The following FBXO16 variants were observed in gnomAD, a reference collection of about 807,000 sequenced individuals.
FBXO16 encodes F-box only protein 16.
FBXO16 carries 31 observed loss-of-function variants against 41.0 expected under a neutral mutation model. That is an observed-to-expected ratio of 0.76 (90% CI 0.57 to 1.02). FBXO16 has a LOEUF of 1.02. Ranked by LOEUF, FBXO16 falls within the 50% of genes least tolerant of loss-of-function variation. The pLI is 0.00. For synonymous variants in FBXO16, 133 were observed against 117.8 expected, an observed-to-expected ratio of 1.13 and a Z score of -0.84; for missense variants, 361 against 346.2, an observed-to-expected ratio of 1.04 and a Z score of -0.34.
chr8:28,431,448 A>G (rs1287044301), intron 7 of FBXO16, among the ~76,000 whole-genome samples: 1 of 152,238 alleles, frequency 6.6e-6, no homozygotes, highest in African/African-American at 2.4e-5. Flanking sequence ...ATGGGTAAAA[A>G]TCTTTCTGGA....
At chr8:28,488,020 T>A (rs1803630262) in intron 1 of FBXO16, among the ~76,000 whole-genome samples, 1 of 151,826 alleles carries the variant, frequency 6.6e-6, no homozygotes, top group Admixed American at 6.6e-5. Flanking sequence ...ACCCAGCTAA[T>A]TTTTGTATTT....
chr8:28,444,481 CTTTTTTT>C (rs1206057786), intron 7 of FBXO16, among the ~76,000 whole-genome samples: 1 of 106,774 alleles, frequency 9.4e-6, no homozygotes, highest in Non-Finnish European at 2.0e-5. Context: ...TTTTTCTTTT[CTTTTTTT>C]TTTTTTTTTG....
At chr8:28,470,338 TTTACTACTGATACCA>T (rs1803314429) in intron 3 of FBXO16, among the ~76,000 whole-genome samples, 2 of 152,184 alleles carry the variant, frequency 1.3e-5, no homozygotes, top group African/African-American at 4.8e-5. Context: ...ATTTACTCAA[TTTACTACTGATACCA>T]TTACTACTGA....
intron 2 of FBXO16, among the ~76,000 whole-genome samples, chr8:28,476,693 C>G (rs1053185450): frequency 5.3e-5 from 8 of 152,092 alleles, no homozygotes; most frequent in Non-Finnish European, 8.8e-5. Context: ...ACATATTTTA[C>G]CGTGTGACAT....
At chr8:28,469,026 G>C (rs1467199778) in intron 3 of FBXO16, among the ~76,000 whole-genome samples, 1 of 151,870 alleles carries the variant, frequency 6.6e-6, no homozygotes, top group East Asian at 1.9e-4. Flanking sequence ...TTTTTTATTA[G>C]GGCCGGGCAT....
In FBXO16 at chr8:28,486,503, CGT is replaced by C. The variant is rs1416242140; in HGVS notation, c.-16-3043_-16-3042del. The stretch of plus-strand genomic sequence containing the variant: ...CCTCCCAAAGTGCTGGGATTACAGG[CGT>C]AAGCCACCGCCGCGCCTGGGCTACA... On this transcript the variant is annotated intron_variant, in intron 1 of 8. Transcript: ENST00000380254. Among the ~76,000 whole-genome samples the C allele has an allele frequency of 1.0e-3, 152 of 151,910 alleles. 2 individuals are homozygous for C. The highest frequency in any genetic ancestry group is 1.7e-3 in the Non-Finnish European group (115 of 67,798).
intron 2 of FBXO16, among the ~76,000 whole-genome samples, chr8:28,481,201 G>T (rs1218234852): frequency 6.6e-6 from 1 of 152,136 alleles, no homozygotes; most frequent in African/African-American, 2.4e-5. Flanking sequence ...GTCTATTATT[G>T]GTTTCACATA....
At chr8:28,479,743 GTCTC>G (rs141295713) in intron 2 of FBXO16, among the ~76,000 whole-genome samples, 5 of 151,464 alleles carry the variant, frequency 3.3e-5, no homozygotes, top group South Asian at 2.1e-4. Context: ...TAGAGACAGG[GTCTC>G]TCTCTCTCTG....
chr8:28,435,883 C>G (rs1802680529), intron 7 of FBXO16, among the ~76,000 whole-genome samples: 1 of 152,188 alleles, frequency 6.6e-6, no homozygotes, highest in Non-Finnish European at 1.5e-5. Context: ...CCACCCCTAT[C>G]TGTCCAGGCA....
In FBXO16 at chr8:28,475,589, T is replaced by C. The variant is rs533530520; in HGVS notation, c.100-1782A>G. ...CGCCCAACCCATGCAACCAATGTTG[T>C]CACTTTTCTGATGTCCAGGGATTTC... is the stretch of plus-strand genomic sequence containing the variant. On this transcript the variant is annotated intron_variant, in intron 2 of 8. Coordinates refer to ENST00000380254, the MANE Select transcript of FBXO16 (RefSeq NM_172366.4). Among the ~76,000 whole-genome samples the C allele has an allele frequency of 3.3e-5, 5 of 152,368 alleles. No individual in the cohort carries two copies. The East Asian group carries it at 9.6e-4, about 29-fold the overall frequency.
At chr8:28,429,747 A>G (rs73668480) in intron 7 of FBXO16, among the ~76,000 whole-genome samples, 3,427 of 152,248 alleles carry the variant, frequency 0.023, 130 homozygotes, top group African/African-American at 0.076. Flanking sequence ...TGACTCATCA[A>G]TGATATCCGC....
chr8:28,465,632 T>C (rs917025802), intron 3 of FBXO16, among the ~76,000 whole-genome samples: 5 of 150,908 alleles, frequency 3.3e-5, no homozygotes, highest in Admixed American at 2.6e-4. Context: ...AAAAAAAAAA[T>C]AAAAAATTTT....
chr8:28,474,394 G>GA (rs1205506572), intron 2 of FBXO16, among the ~76,000 whole-genome samples: 4 of 95,996 alleles, frequency 4.2e-5, no homozygotes, highest in East Asian at 5.5e-4. Flanking sequence ...GAAAAGAAAA[G>GA]AAAAAATAGT....
chr8:28,459,457 A>C (rs1327492258), intron 4 of FBXO16, among the ~76,000 whole-genome samples: 1 of 151,646 alleles, frequency 6.6e-6, no homozygotes, highest in Non-Finnish European at 1.5e-5. Context: ...GTCTTTCCTA[A>C]AAATACAAAA....
chr8:28,469,014 A>AT (rs1010886512), intron 3 of FBXO16, among the ~76,000 whole-genome samples: 4 of 152,136 alleles, frequency 2.6e-5, no homozygotes, highest in South Asian at 2.1e-4. Context: ...TTAAAAAAAA[A>AT]TTTTTTTATT....
At chr8:28,456,972 C>A in intron 4 of FBXO16, 42 bp from the exon 5 acceptor site, 1 of 1,589,162 alleles carries the variant, frequency 6.3e-7, no homozygotes, top group South Asian at 1.1e-5. Flanking sequence ...AATCAAACAA[C>A]CCCTTCAGTT....
chr8:28,428,790 C>G, intron 8 of FBXO16, 54 bp from the exon 9 acceptor site: 1 of 1,448,706 alleles, frequency 6.9e-7, no homozygotes, highest in Non-Finnish European at 9.1e-7. Flanking sequence ...ACCAAGGGAG[C>G]TATCTAGTTA....
chr8:28,452,382 GA>G lies in FBXO16; in HGVS notation c.601del (p.Ser201ProfsTer5), dbSNP rs753564982. ...ATTCTTCTTTCTTAAAGAGGAAGAG[GA>G]CCGAAAAGCTGATAAAGGGGACTGT... ...EKQSPLSAFR[S>X]SSSLRKKNNS... On this transcript the variant is annotated frameshift_variant, in exon 6 of 9. Transcript: ENST00000380254. LOFTEE classifies it high-confidence loss of function. 3 of 1,614,224 alleles carry G rather than the reference GA, an allele frequency of 1.9e-6. No homozygotes were observed. Among genetic ancestry groups the G allele is most frequent in the Non-Finnish European group, 2.5e-6 (3 of 1,180,048 alleles).
rs111491350 is a variant in FBXO16, at chr8:28,439,171, T to A, written c.843+8000A>T. Among the ~76,000 whole-genome samples the A allele has an allele frequency of 8.1e-4, 123 of 151,278 alleles. 1 individual carries two copies. Among genetic ancestry groups the A allele is most frequent in the African/African-American group, 2.6e-3 (109 of 41,270 alleles). On this transcript the variant is annotated intron_variant, in intron 7 of 8. Coordinates refer to ENST00000380254, the MANE Select transcript of FBXO16 (RefSeq NM_172366.4). ...AATGAGAGCACGAACACATATTACATGCTAAATATAATATACTGGGGATTT... is the reference window on the plus strand; with the variant it reads ...AATGAGAGCACGAACACATATTACAAGCTAAATATAATATACTGGGGATTT...
Sources: gnomAD v4.1 joint callset for allele counts (sites outside exome capture counted in the v4.1 genomes callset) on GRCh38, gnomAD v4.1.1 for gene constraint, MANE v1.5 for transcripts, NCBI Gene and HGNC (gene_info 2026-07-23, HGNC 2026-07-21) for gene names.